MAPKAP1: variants seen among roughly 807,000 people sequenced by gnomAD.
MAPKAP1 encodes the protein MAPK associated protein 1.
MAPKAP1 carries 20 observed loss-of-function variants against 65.7 expected under a neutral mutation model. That is an observed-to-expected ratio of 0.30 (90% CI 0.21 to 0.44). The LOEUF (loss-of-function observed/expected upper bound fraction) is 0.44, where lower values mean the gene tolerates loss of function less well. Ranked by LOEUF, MAPKAP1 falls within the 20% of genes least tolerant of loss-of-function variation. MAPKAP1 has a pLI of 1.00. For missense variants in MAPKAP1, 423 were observed against 648.0 expected (o/e 0.65, Z 3.77); for synonymous variants, 222 against 244.3 (o/e 0.91, Z 0.85).
At chr9:125,650,297 C>G (rs940382176) in intron 4 of MAPKAP1, 7 of 152,228 alleles carry the variant, frequency 4.6e-5, no homozygotes, top group Middle Eastern at 6.3e-3. Context: ...CTCACCTCCC[C>G]ATTTAAATCC....
At chr9:125,693,595 A>G (rs1332998976) in intron 1 of MAPKAP1, among the ~76,000 whole-genome samples, 1 of 150,944 alleles carries the variant, frequency 6.6e-6, no homozygotes, top group Non-Finnish European at 1.5e-5. Context: ...ACACGTATAC[A>G]CACACACATA....
At chr9:125,591,887 A>G (rs1237831518) in intron 4 of MAPKAP1, among the ~76,000 whole-genome samples, 1 of 152,256 alleles carries the variant, frequency 6.6e-6, no homozygotes, top group Non-Finnish European at 1.5e-5. Flanking sequence ...AAATATGAAA[A>G]AGCAACTAGC....
intron 1 of MAPKAP1, among the ~76,000 whole-genome samples, chr9:125,687,924 T>C (rs998123422): frequency 6.6e-6 from 1 of 152,228 alleles, no homozygotes; most frequent in Non-Finnish European, 1.5e-5. Flanking sequence ...AACTCATTAA[T>C]TCAACTCCTG....
At position 125,459,255 on chromosome 9, in the gene MAPKAP1, A is replaced by T. The variant is rs1288676038; in HGVS notation, c.1345+8717T>A. Among the ~76,000 whole-genome samples the T allele has an allele frequency of 2.2e-5, 3 of 139,416 alleles. No homozygotes were observed. The South Asian group carries it at 7.2e-4, about 33-fold the overall frequency. 91.5% of individuals were successfully genotyped at this position (139,416 alleles called of 152,430 possible). On this transcript the variant is annotated intron_variant, in intron 10 of 11. Coordinates refer to ENST00000265960, the MANE Select transcript of MAPKAP1 (RefSeq NM_001006617.3). ...AGAGGCTCCTCACTTCCTAGATGTG[A>T]TGGCGGCCGGGAAGAGGCGCTCCTC...
chr9:125,494,055 G>T (rs1158455957), intron 8 of MAPKAP1, among the ~76,000 whole-genome samples: 1 of 152,178 alleles, frequency 6.6e-6, no homozygotes, highest in African/African-American at 2.4e-5. Context: ...AAAGGAATCA[G>T]GGATAAAACC....
intron 1 of MAPKAP1, among the ~76,000 whole-genome samples, chr9:125,685,199 T>A (rs778235211): frequency 1.3e-4 from 19 of 151,868 alleles, no homozygotes; most frequent in Non-Finnish European, 2.1e-4. Flanking sequence ...AATTATATAG[T>A]GAGTTAGAAG....
chr9:125,649,202 C>A (rs1444270424), intron 4 of MAPKAP1, among the ~76,000 whole-genome samples: 1 of 152,182 alleles, frequency 6.6e-6, no homozygotes, highest in African/African-American at 2.4e-5. Context: ...GGATTGTCTC[C>A]TGGGCTAGAC....
chr9:125,669,918 A>C lies in MAPKAP1; in HGVS notation c.260-11T>G, dbSNP rs746991034. On this transcript the variant is annotated splice_polypyrimidine_tract_variant and intron_variant, in intron 2 of 11. Coordinates refer to ENST00000265960, the MANE Select transcript of MAPKAP1 (RefSeq NM_001006617.3). ...GTTCTAATCTTTGAGCTTGAAAAGAAATATTATAACTGTAAGTTTGTCAAT... is the reference window on the plus strand; with the variant it reads ...GTTCTAATCTTTGAGCTTGAAAAGACATATTATAACTGTAAGTTTGTCAAT... 1 of 1,500,656 alleles carries C rather than the reference A, an allele frequency of 6.7e-7. No homozygotes were observed. The highest frequency in any genetic ancestry group is 9.2e-7 in the Non-Finnish European group (1 of 1,091,976). The allele number at this position is 1,500,656 out of a possible 1,614,324, so 93.0% of individuals were successfully genotyped here.
At position 125,657,828 on chromosome 9, in the gene MAPKAP1, T is replaced by C. The variant is rs759807784; in HGVS notation, c.350-29A>G. 5 of 1,605,934 alleles carry C rather than the reference T, an allele frequency of 3.1e-6. No individual in the cohort carries two copies. In the East Asian group the frequency reaches 1.1e-4, roughly 36 times the overall value. On this transcript the variant is annotated intron_variant, in intron 3 of 11. Coordinates refer to ENST00000265960, the MANE Select transcript of MAPKAP1 (RefSeq NM_001006617.3). ...TGATACAAGAGGAAGAAAAACATCT[T>C]TGTGATTACACAGAGACAACTTGTC...
rs1254162853 is a variant in MAPKAP1, at chr9:125,672,653, T to A, written c.-69-10A>T. ...TCACGAGCTCACCTACCTAGAAACA[T>A]GATGTACACAGCAAATATTTAAGAA... On this transcript the variant is annotated splice_polypyrimidine_tract_variant and intron_variant, in intron 1 of 11. Transcript: ENST00000265960. The A allele has an allele frequency of 9.6e-6, 14 of 1,457,192 alleles. 1 individual carries two copies. The South Asian group carries it at 1.7e-4, about 18-fold the overall frequency. The allele number at this position is 1,457,192 out of a possible 1,614,324, so 90.3% of individuals were successfully genotyped here.
intron 7 of MAPKAP1, among the ~76,000 whole-genome samples, chr9:125,507,048 A>C (rs1321381852): frequency 6.6e-6 from 1 of 152,244 alleles, no homozygotes; most frequent in Non-Finnish European, 1.5e-5. Flanking sequence ...GATGATGAAA[A>C]GACAGTGGCT....
intron 4 of MAPKAP1, among the ~76,000 whole-genome samples, chr9:125,631,286 T>C (rs192844682): frequency 1.8e-4 from 28 of 152,320 alleles, no homozygotes; most frequent in African/African-American, 6.3e-4. Context: ...CCTTTTTGTT[T>C]TATAAACTAC....
chr9:125,474,770 A>G (rs944120388), intron 9 of MAPKAP1, among the ~76,000 whole-genome samples: 1 of 152,214 alleles, frequency 6.6e-6, no homozygotes, highest in Non-Finnish European at 1.5e-5. Flanking sequence ...ATTTGCTCAG[A>G]TATCATAAGC....
chr9:125,696,106 ACTG>A (rs1287572284), intron 1 of MAPKAP1: 1 of 152,224 alleles, frequency 6.6e-6, no homozygotes, highest in East Asian at 1.9e-4. Flanking sequence ...TTTACTAACT[ACTG>A]CTATCAGAAA....
At chr9:125,647,935 T>C (rs866515999) in intron 4 of MAPKAP1, among the ~76,000 whole-genome samples, 1 of 25,336 alleles carries the variant, frequency 3.9e-5, no homozygotes, top group Admixed American at 4.0e-4. Flanking sequence ...TCCCAATATC[T>C]TTTTTTTTTT....
At chr9:125,679,677 C>T (rs948933504) in intron 1 of MAPKAP1, among the ~76,000 whole-genome samples, 2 of 152,128 alleles carry the variant, frequency 1.3e-5, no homozygotes, top group African/African-American at 4.8e-5. Context: ...TCTATTTCTT[C>T]AAATAACTCA....
chr9:125,661,491 G>A (rs1375458772), intron 3 of MAPKAP1, among the ~76,000 whole-genome samples: 1 of 152,132 alleles, frequency 6.6e-6, no homozygotes, highest in Non-Finnish European at 1.5e-5. Flanking sequence ...AAAATGGAAT[G>A]AAGCTTATCT....
chr9:125,648,085 A>G (rs1332083255), intron 4 of MAPKAP1, among the ~76,000 whole-genome samples: 1 of 152,198 alleles, frequency 6.6e-6, no homozygotes, highest in Non-Finnish European at 1.5e-5. Context: ...AAATTTTAAA[A>G]AATTTCAAAT....
At chr9:125,629,855 G>C (rs1020129809) in intron 4 of MAPKAP1, among the ~76,000 whole-genome samples, 1 of 152,134 alleles carries the variant, frequency 6.6e-6, no homozygotes, top group Non-Finnish European at 1.5e-5. Flanking sequence ...AGCAGACAAG[G>C]CCATGTATAA....
Sources: allele counts gnomAD v4.1 joint callset (sites outside exome capture counted in the v4.1 genomes callset), GRCh38; gene constraint gnomAD v4.1.1; transcripts MANE v1.5; gene names NCBI Gene and HGNC (gene_info 2026-07-23, HGNC 2026-07-21).